ARL13B: variants seen among roughly 807,000 people sequenced by gnomAD.
ARL13B encodes the protein ARF like GTPase 13B, also known as ADP-ribosylation factor-like protein 13B.
ARL13B carries 36 observed loss-of-function variants against 56.1 expected under a neutral mutation model. The ratio of observed to expected loss-of-function variants is 0.64; its 90% CI spans 0.49 to 0.85. The LOEUF is 0.85. Ranked by LOEUF, ARL13B falls within the 40% of genes least tolerant of loss-of-function variation. The probability of loss-of-function intolerance (pLI) is 0.00; values close to 1 mark genes in which losing one functional copy is unlikely to be tolerated. For missense variants in ARL13B, 519 were observed against 507.1 expected (o/e 1.02, Z -0.23); for synonymous variants, 178 against 171.1 (o/e 1.04, Z -0.32).
At position 94,043,081 on chromosome 3, in the gene ARL13B, C is replaced by T; in HGVS notation, c.865C>T (p.Leu289=). The change falls in exon 7 of 10, where the codon CTG becomes TTG. Residue 289 remains leucine, a synonymous_variant. Transcript: ENST00000394222. ...KMEKDSDGCH[L]KHKMEHEQIE... ...GGAGAAAGACAGTGATGGCTGCCAC[C>T]TGAAACATAAAATGGAGCATGAGCA... The T allele has an allele frequency of 6.2e-7, 1 of 1,613,286 alleles. No homozygotes were observed. The highest frequency in any genetic ancestry group is 1.1e-5 in the South Asian group (1 of 90,862).
chr3:94,012,616 A>G (rs1285029362), intron 3 of ARL13B, among the ~76,000 whole-genome samples: 1 of 152,202 alleles, frequency 6.6e-6, no homozygotes, highest in Non-Finnish European at 1.5e-5. Flanking sequence ...CTCAGTGTTC[A>G]TATTGGTAAA....
chr3:94,043,198 T>C lies in ARL13B; in HGVS notation c.982T>C (p.Leu328=). Residue 328 remains leucine (L), a synonymous_variant, in exon 7 of 10, where the codon TTA becomes CTA. Transcript: ENST00000394222. ...TTATAAGGAGGCATTAACACAGCAG[T>C]TAAAGAATGAAGATGAGACAGACCG... The part of the protein sequence containing the change: ...ENYKEALTQQ[L]KNEDETDRPS... The C allele has an allele frequency of 6.2e-7, 1 of 1,613,440 alleles. No individual in the cohort carries two copies. The highest frequency in any genetic ancestry group is 8.5e-7 in the Non-Finnish European group (1 of 1,179,866).
intron 3 of ARL13B, among the ~76,000 whole-genome samples, chr3:94,013,766 C>T (rs2076269274): frequency 6.6e-6 from 1 of 152,124 alleles, no homozygotes; most frequent in Non-Finnish European, 1.5e-5. Flanking sequence ...GCCAACATAG[C>T]AAAACCACCC....
chr3:93,984,355 T>TA (rs58963921), intron 1 of ARL13B, among the ~76,000 whole-genome samples: 11 of 148,440 alleles, frequency 7.4e-5, no homozygotes, highest in African/African-American at 1.5e-4. Context: ...GACTCTTGTC[T>TA]AAAAAAAAAA....
intron 1 of ARL13B, among the ~76,000 whole-genome samples, chr3:93,995,205 G>A (rs956698855): frequency 6.6e-6 from 1 of 152,090 alleles, no homozygotes; most frequent in African/African-American, 2.4e-5. Context: ...AAATCCCTAC[G>A]AGTTAGGTGA....
At chr3:94,000,275 G>T (rs2076032183) in intron 2 of ARL13B, among the ~76,000 whole-genome samples, 1 of 152,008 alleles carries the variant, frequency 6.6e-6, no homozygotes, top group Admixed American at 6.6e-5. Context: ...ATGTATCAGG[G>T]TTCTTCTCCT....
At chr3:94,046,752 G>A (rs1333930768) in intron 7 of ARL13B, among the ~76,000 whole-genome samples, 1 of 151,918 alleles carries the variant, frequency 6.6e-6, no homozygotes, top group Non-Finnish European at 1.5e-5. Context: ...TTATTGACTG[G>A]CTATTGCTGT....
intron 3 of ARL13B, among the ~76,000 whole-genome samples, chr3:94,026,220 C>T (rs534322749): frequency 2.0e-5 from 3 of 152,178 alleles, no homozygotes; most frequent in South Asian, 2.1e-4. Context: ...GGGGTTTCAC[C>T]GTGTGAGCCA....
intron 3 of ARL13B, among the ~76,000 whole-genome samples, chr3:94,013,721 G>A (rs1372248801): frequency 2.6e-5 from 4 of 152,184 alleles, no homozygotes; most frequent in Non-Finnish European, 4.4e-5. Flanking sequence ...CCAGGGGGGC[G>A]GATCACTGGA....
intron 3 of ARL13B, among the ~76,000 whole-genome samples, chr3:94,030,837 A>T (rs1449835729): frequency 1.3e-5 from 2 of 152,124 alleles, no homozygotes. Context: ...AAAACAAATA[A>T]TGTCATTAGA....
intron 1 of ARL13B, among the ~76,000 whole-genome samples, chr3:93,986,239 A>C (rs542216752): frequency 3.0e-4 from 45 of 152,198 alleles, no homozygotes; most frequent in Admixed American, 1.1e-3. Context: ...AAAAATGGAC[A>C]CTAAGAATTT....
At chr3:94,018,675 G>A (rs928595416) in intron 3 of ARL13B, among the ~76,000 whole-genome samples, 1 of 152,096 alleles carries the variant, frequency 6.6e-6, no homozygotes, top group African/African-American at 2.4e-5. Context: ...TCCAAAATGA[G>A]CTCATAATCT....
intron 1 of ARL13B, among the ~76,000 whole-genome samples, chr3:93,994,803 T>TC (rs1312028345): frequency 6.6e-6 from 1 of 152,144 alleles, no homozygotes; most frequent in Non-Finnish European, 1.5e-5. Flanking sequence ...CACCTGATTT[T>TC]TTTTTTTTTG....
At chr3:94,029,334 A>ATTTTT (rs71105171) in intron 3 of ARL13B, among the ~76,000 whole-genome samples, 17 of 53,402 alleles carry the variant, frequency 3.2e-4, no homozygotes, top group African/African-American at 8.4e-4. Flanking sequence ...ATATATATAT[A>ATTTTT]TTTATTTTTT....
intron 1 of ARL13B, among the ~76,000 whole-genome samples, chr3:93,984,373 AAAG>A (rs1228159382): frequency 5.9e-5 from 9 of 152,116 alleles, no homozygotes; most frequent in African/African-American, 1.9e-4. Context: ...AAAAAATTAA[AAAG>A]AAGAAAAAAA....
At chr3:94,028,094 G>T (rs1412703501) in intron 3 of ARL13B, among the ~76,000 whole-genome samples, 1 of 152,216 alleles carries the variant, frequency 6.6e-6, no homozygotes, top group East Asian at 1.9e-4. Flanking sequence ...TTTTTTAAAT[G>T]AGAGCTTACT....
At position 93,980,498 on chromosome 3, in the gene ARL13B, C is replaced by T. The variant is rs1291271388; in HGVS notation, c.59+16C>T. ...AGCCTGTCAGGTAGGCTGGAGCCAG[C>T]TGTCCTGGCCGTCCTAGGGGTTGGA... On this transcript the variant is annotated intron_variant, in intron 1 of 9. Transcript: ENST00000394222. The T allele has an allele frequency of 2.5e-6, 4 of 1,608,992 alleles. No individual in the cohort carries two copies. The Admixed American group carries it at 5.0e-5, about 20-fold the overall frequency.
chr3:94,032,801 G>T (rs2076700164), intron 3 of ARL13B, among the ~76,000 whole-genome samples: 2 of 152,056 alleles, frequency 1.3e-5, no homozygotes, highest in African/African-American at 4.8e-5. Context: ...CGGCCAGTAT[G>T]GAGATTTCTT....
At position 94,041,777 on chromosome 3, in the gene ARL13B, A is replaced by T. The variant is rs554362894; in HGVS notation, c.799-1238A>T. Among the ~76,000 whole-genome samples, 8 of 152,306 alleles carry T rather than the reference A, an allele frequency of 5.3e-5. No homozygotes were observed. The East Asian group carries it at 1.2e-3, about 22-fold the overall frequency. On this transcript the variant is annotated intron_variant, in intron 6 of 9. Coordinates refer to ENST00000394222, the MANE Select transcript of ARL13B (RefSeq NM_001174150.2). The stretch of plus-strand genomic sequence containing the variant: ...AAAGGCAGTTTCCTAAAAAAAAATT[A>T]AAAATGTCAATAAGTGGCCAGGCAC...
Sources: gnomAD v4.1 joint callset for allele counts (sites outside exome capture counted in the v4.1 genomes callset) on GRCh38, gnomAD v4.1.1 for gene constraint, MANE v1.5 for transcripts, NCBI Gene and HGNC (gene_info 2026-07-23, HGNC 2026-07-21) for gene names.